The following RBFOX1 variants were observed in gnomAD, a reference collection of about 807,000 sequenced individuals.
RBFOX1 encodes RNA binding fox-1 homolog 1, also known as RNA binding protein fox-1 homolog 1.
A neutral mutation model predicts 57.7 loss-of-function variants in RBFOX1; 8 were observed. The observed-to-expected ratio is 0.14, with a 90% CI of 0.08 to 0.25. The LOEUF is 0.25. Among genes scored for constraint, RBFOX1 ranks in the 10% least tolerant of loss-of-function variants. The probability of loss-of-function intolerance (pLI) is 1.00; values close to 1 mark genes in which losing one functional copy is unlikely to be tolerated. For missense variants in RBFOX1, 611 were observed against 548.5 expected (o/e 1.11, Z -1.14); for synonymous variants, 326 against 222.4 (o/e 1.47, Z -4.15).
At chr16:5,862,021 G>A (rs1385256980) in intron 3 of RBFOX1, among the ~76,000 whole-genome samples, 2 of 152,146 alleles carry the variant, frequency 1.3e-5, no homozygotes, top group Non-Finnish European at 2.9e-5. Flanking sequence ...GAGAGTGACG[G>A]CCATTCTCTG....
At chr16:6,564,334 C>G (rs1028739068) in intron 2 of RBFOX1, among the ~76,000 whole-genome samples, 7 of 151,988 alleles carry the variant, frequency 4.6e-5, no homozygotes, top group South Asian at 2.1e-4. Context: ...GAGTATTATT[C>G]AGCTATAAAA....
chr16:6,762,602 T>A (rs185386100), intron 3 of RBFOX1, among the ~76,000 whole-genome samples: 2 of 152,280 alleles, frequency 1.3e-5, no homozygotes, highest in African/African-American at 4.8e-5. Context: ...ATCTTAGATA[T>A]GAAAGGAACA....
chr16:6,999,908 C>G (rs1390522552), intron 3 of RBFOX1, among the ~76,000 whole-genome samples: 1 of 151,724 alleles, frequency 6.6e-6, no homozygotes, highest in Non-Finnish European at 1.5e-5. Context: ...CCTGTCTTTA[C>G]TAAAAATACA....
chr16:6,526,058 C>T (rs1217705172), intron 2 of RBFOX1, among the ~76,000 whole-genome samples: 1 of 152,162 alleles, frequency 6.6e-6, no homozygotes, highest in Non-Finnish European at 1.5e-5. Flanking sequence ...GTTCTCATCA[C>T]TTACATGACC....
chr16:6,895,450 A>ATATATATATATATG (rs1567761235), intron 3 of RBFOX1, among the ~76,000 whole-genome samples: 7 of 39,420 alleles, frequency 1.8e-4, no homozygotes, highest in African/African-American at 6.5e-4. Flanking sequence ...GTGTGTGTGT[A>ATATATATATATATG]TATATATATA....
chr16:6,318,964 G>T (rs1352762095), intron 2 of RBFOX1, among the ~76,000 whole-genome samples: 3 of 151,880 alleles, frequency 2.0e-5, no homozygotes, highest in East Asian at 3.9e-4. Flanking sequence ...CCCCTTCAGA[G>T]ACCAAGCAGT....
chr16:5,873,681 A>G (rs1233406338), intron 4 of RBFOX1, among the ~76,000 whole-genome samples: 1 of 152,240 alleles, frequency 6.6e-6, no homozygotes, highest in Non-Finnish European at 1.5e-5. Context: ...TATAGAATAA[A>G]TGCTGTAGTT....
At chr16:6,829,029 C>G (rs2092471217) in intron 3 of RBFOX1, among the ~76,000 whole-genome samples, 2 of 152,084 alleles carry the variant, frequency 1.3e-5, no homozygotes, top group Admixed American at 1.3e-4. Context: ...TGAATTCCTT[C>G]TTGAGACGGT....
At chr16:6,607,417 C>CCTCTCT (rs58726712) in intron 2 of RBFOX1, among the ~76,000 whole-genome samples, 60 of 144,000 alleles carry the variant, frequency 4.2e-4, no homozygotes, top group African/African-American at 1.0e-3. Flanking sequence ...CAGTCTCTCT[C>CCTCTCT]CTCTCTCTCT....
intron 4 of RBFOX1, among the ~76,000 whole-genome samples, chr16:5,977,331 C>A (rs1432047466): frequency 1.3e-5 from 2 of 152,134 alleles, no homozygotes; most frequent in South Asian, 4.1e-4. Flanking sequence ...CTTTCACAGG[C>A]CAGCCCGTCA....
At chr16:6,098,961 G>A (rs1366429236) in intron 1 of RBFOX1, among the ~76,000 whole-genome samples, 1 of 152,202 alleles carries the variant, frequency 6.6e-6, no homozygotes, top group Non-Finnish European at 1.5e-5. Context: ...GCCACCTTCT[G>A]TAGTTCTGAT....
At chr16:6,566,893 C>A (rs910821468) in intron 2 of RBFOX1, among the ~76,000 whole-genome samples, 1 of 152,118 alleles carries the variant, frequency 6.6e-6, no homozygotes, top group African/African-American at 2.4e-5. Context: ...TTCCCCATAT[C>A]TTTTTTGGCA....
chr16:5,918,560 C>G (rs1004931977), intron 4 of RBFOX1, among the ~76,000 whole-genome samples: 1 of 152,208 alleles, frequency 6.6e-6, no homozygotes, highest in Admixed American at 6.5e-5. Context: ...ACAGAGCCCT[C>G]ACTATCTATA....
chr16:7,572,744 C>T (rs1310266995), intron 5 of RBFOX1, among the ~76,000 whole-genome samples: 1 of 151,860 alleles, frequency 6.6e-6, no homozygotes, highest in Non-Finnish European at 1.5e-5. Context: ...GAGGCTGAGG[C>T]AGGAGAATGG....
chr16:6,574,399 G>A (rs897525134), intron 2 of RBFOX1, among the ~76,000 whole-genome samples: 4 of 150,122 alleles, frequency 2.7e-5, no homozygotes, highest in African/African-American at 9.8e-5. Context: ...ACTCGGTGTA[G>A]CAAGGGTTTC....
At chr16:5,412,586 G>T (rs1430419189) in intron 1 of RBFOX1, among the ~76,000 whole-genome samples, 1 of 152,204 alleles carries the variant, frequency 6.6e-6, no homozygotes, top group Admixed American at 6.5e-5. Context: ...TCCCCTGGAA[G>T]GGTTTAGAGT....
intron 2 of RBFOX1, among the ~76,000 whole-genome samples, chr16:6,614,432 G>A (rs1003470895): frequency 5.3e-5 from 8 of 152,282 alleles, no homozygotes; most frequent in Admixed American, 3.9e-4. Flanking sequence ...AAGAATAAAA[G>A]CAGACCTGCT....
intron 3 of RBFOX1, among the ~76,000 whole-genome samples, chr16:6,879,450 C>T (rs538888672): frequency 2.0e-5 from 3 of 152,198 alleles, no homozygotes; most frequent in African/African-American, 7.2e-5. Context: ...ACTGTTCTTT[C>T]ATCTTTGTGT....
At chr16:5,308,138 G>C (rs564707570) in intron 1 of RBFOX1, among the ~76,000 whole-genome samples, 3 of 152,000 alleles carry the variant, frequency 2.0e-5, no homozygotes, top group African/African-American at 4.8e-5. Context: ...TCAGGAGTTC[G>C]AGACCAGCCT....
Sources: allele counts gnomAD v4.1 joint callset (sites outside exome capture counted in the v4.1 genomes callset), GRCh38; gene constraint gnomAD v4.1.1; transcripts MANE v1.5; gene names NCBI Gene and HGNC (gene_info 2026-07-23, HGNC 2026-07-21).